The following IGSF21 variants were observed in gnomAD, a reference collection of about 807,000 sequenced individuals.
The protein encoded by IGSF21 is immunoglobulin superfamily member 21.
In IGSF21, 28 loss-of-function variants were observed where a neutral mutation model predicts 46.8. The observed-to-expected ratio is 0.60, with a 90% confidence interval of 0.44 to 0.82. The LOEUF (loss-of-function observed/expected upper bound fraction) is 0.82, where lower values mean the gene tolerates loss of function less well. Among genes scored for constraint, IGSF21 ranks in the 40% least tolerant of loss-of-function variants. The pLI is 0.00. For missense variants in IGSF21, 624 were observed against 665.5 expected, an observed-to-expected ratio of 0.94 and a Z score of 0.69; for synonymous variants, 284 against 273.6, an observed-to-expected ratio of 1.04 and a Z score of -0.38.
rs765836961 is a variant in IGSF21 at position 18,292,001 on chromosome 1, G to C, written c.305+14G>C. On this transcript the variant is annotated intron_variant, in intron 3 of 9. Coordinates refer to ENST00000251296, the MANE Select transcript of IGSF21 (RefSeq NM_032880.5). The stretch of plus-strand genomic sequence containing the variant: ...GTCCACTGTGAGGTGAGTGCCTGGG[G>C]GTGGCGGGCCGACAGCGGGGGAAGG... 1 of 1,612,346 alleles carries C rather than the reference G, an allele frequency of 6.2e-7. No homozygotes were observed.
At chr1:18,368,233 C>T (rs1040714249) in intron 6 of IGSF21, among the ~76,000 whole-genome samples, 2 of 151,934 alleles carry the variant, frequency 1.3e-5, no homozygotes, top group African/African-American at 4.8e-5. Context: ...GGGCCAGGCA[C>T]AGTGTCTCAC....
rs372392545 is a variant in IGSF21, at chr1:18,378,340, G to A, written c.*14G>A. The stretch of plus-strand genomic sequence containing the variant: ...GAGCTGACGTGAAGGCACCCGCCCC[G>A]GCCACTCCATCAGGCACTGACATCT... On this transcript the variant is annotated 3_prime_UTR_variant, in exon 10 of 10. Transcript: ENST00000251296. 56 of 1,611,140 alleles carry A rather than the reference G, an allele frequency of 3.5e-5. No homozygotes were observed. The highest frequency in any genetic ancestry group is 4.5e-5 in the Non-Finnish European group (53 of 1,177,920).
intron 1 of IGSF21, among the ~76,000 whole-genome samples, chr1:18,156,708 A>C (rs1385481706): frequency 6.6e-6 from 1 of 152,252 alleles, no homozygotes; most frequent in African/African-American, 2.4e-5. Flanking sequence ...GCTGCCACTA[A>C]CAGCCAGCTC....
chr1:18,138,908 CAA>C (rs1227515677), intron 1 of IGSF21, among the ~76,000 whole-genome samples: 1 of 152,300 alleles, frequency 6.6e-6, no homozygotes, highest in Admixed American at 6.5e-5. Context: ...GAGAGAGCCA[CAA>C]AGAGAGTCTG....
At chr1:18,147,208 G>A (rs954234538) in intron 1 of IGSF21, among the ~76,000 whole-genome samples, 5 of 152,062 alleles carry the variant, frequency 3.3e-5, no homozygotes, top group Admixed American at 6.5e-5. Context: ...AGTCGCTTCC[G>A]GGCTTGAACC....
At chr1:18,246,098 G>A (rs2084780581) in intron 2 of IGSF21, among the ~76,000 whole-genome samples, 1 of 152,180 alleles carries the variant, frequency 6.6e-6, no homozygotes. Context: ...TATTAAACAG[G>A]AGTGAAAGTC....
At chr1:18,374,790 G>A (rs186303608) in intron 6 of IGSF21, among the ~76,000 whole-genome samples, 26 of 152,274 alleles carry the variant, frequency 1.7e-4, no homozygotes, top group Admixed American at 1.5e-3. Context: ...AGAGAGGTCC[G>A]GGGACCAGCA....
At chr1:18,158,255 G>C (rs1227456671) in intron 1 of IGSF21, among the ~76,000 whole-genome samples, 1 of 152,192 alleles carries the variant, frequency 6.6e-6, no homozygotes, top group Non-Finnish European at 1.5e-5. Context: ...CTCACCCTCA[G>C]CCGGAGCAGA....
intron 1 of IGSF21, among the ~76,000 whole-genome samples, chr1:18,220,807 T>C (rs2084502996): frequency 6.6e-6 from 1 of 152,082 alleles, no homozygotes; most frequent in South Asian, 2.1e-4. Flanking sequence ...CAGCCTGTGT[T>C]CAGGCCCAGA....
chr1:18,256,863 C>A (rs958318908), intron 2 of IGSF21, among the ~76,000 whole-genome samples: 1 of 152,186 alleles, frequency 6.6e-6, no homozygotes, highest in Admixed American at 6.5e-5. Flanking sequence ...GACATGGAGA[C>A]CAGGTCCCCT....
chr1:18,122,873 C>T (rs1432394568), intron 1 of IGSF21, among the ~76,000 whole-genome samples: 13 of 151,560 alleles, frequency 8.6e-5, no homozygotes, highest in African/African-American at 1.5e-4. Context: ...GCAATCTGCC[C>T]GCCTTGGCCT....
At chr1:18,192,629 A>G (rs950257209) in intron 1 of IGSF21, among the ~76,000 whole-genome samples, 1 of 152,094 alleles carries the variant, frequency 6.6e-6, no homozygotes, top group Non-Finnish European at 1.5e-5. Flanking sequence ...TGGCTGAGCT[A>G]AGATTTGAGT....
At chr1:18,167,721 G>T (rs933615019) in intron 1 of IGSF21, 1 of 152,242 alleles carries the variant, frequency 6.6e-6, no homozygotes, top group African/African-American at 2.4e-5. Flanking sequence ...ATCTGCTGGG[G>T]TGGGGGAGCC....
intron 1 of IGSF21, among the ~76,000 whole-genome samples, chr1:18,126,783 G>T (rs1198766560): frequency 1.3e-5 from 2 of 152,076 alleles, no homozygotes; most frequent in African/African-American, 4.8e-5. Context: ...ACAGCTGCTG[G>T]GCCCAGTCCT....
At chr1:18,281,281 C>T (rs1056686664) in intron 2 of IGSF21, among the ~76,000 whole-genome samples, 1 of 129,940 alleles carries the variant, frequency 7.7e-6, no homozygotes, top group Non-Finnish European at 1.7e-5. Flanking sequence ...GGCTTTCTGC[C>T]GGGCATGGTG....
At chr1:18,359,728 G>C (rs1190912504) in intron 4 of IGSF21, among the ~76,000 whole-genome samples, 2 of 152,166 alleles carry the variant, frequency 1.3e-5, no homozygotes, top group Non-Finnish European at 2.9e-5. Context: ...ACTGATCTTT[G>C]GGGTAACTGA....
chr1:18,355,399 G>C (rs763851836), intron 4 of IGSF21, among the ~76,000 whole-genome samples: 1 of 152,124 alleles, frequency 6.6e-6, no homozygotes, highest in African/African-American at 2.4e-5. Flanking sequence ...TCATAAAACC[G>C]ATCATCCAAC....
chr1:18,168,141 C>A (rs2086698047), intron 1 of IGSF21, among the ~76,000 whole-genome samples: 1 of 152,146 alleles, frequency 6.6e-6, no homozygotes, highest in African/African-American at 2.4e-5. Context: ...ACACGTTAAA[C>A]CCTCTGAACT....
chr1:18,216,592 G>A (rs1235130593), intron 1 of IGSF21, among the ~76,000 whole-genome samples: 2 of 152,138 alleles, frequency 1.3e-5, no homozygotes, highest in Middle Eastern at 3.2e-3. Flanking sequence ...GGTGCAGAGT[G>A]GAGTGAAAAA....
Sources: allele counts gnomAD v4.1 joint callset (sites outside exome capture counted in the v4.1 genomes callset), GRCh38; gene constraint gnomAD v4.1.1; transcripts MANE v1.5; gene names NCBI Gene and HGNC (gene_info 2026-07-23, HGNC 2026-07-21).